Variants in SLC4A5 observed in about 807,000 individuals in gnomAD.
SLC4A5 encodes the protein solute carrier family 4 member 5.
SLC4A5 carries 96 observed loss-of-function variants against 120.4 expected under a neutral mutation model. That is an observed-to-expected ratio of 0.80 (90% CI 0.68 to 0.94). SLC4A5 has a LOEUF of 0.94. Ranked by LOEUF, SLC4A5 falls within the 40% of genes least tolerant of loss-of-function variation. SLC4A5 has a pLI of 0.00. For missense variants in SLC4A5, 1,259 were observed against 1,459.5 expected (o/e 0.86, Z 2.24); for synonymous variants, 550 against 571.1 (o/e 0.96, Z 0.53).
At chr2:74,227,167 C>A in intron 26 of SLC4A5, 37 bp from the exon 27 acceptor site, 2 of 1,561,394 alleles carry the variant, frequency 1.3e-6, no homozygotes, top group Non-Finnish European at 1.7e-6. Context: ...GGCAGCCAGA[C>A]CCCGAGGGCC....
At chr2:74,294,094 C>T (rs1672257049) in intron 7 of SLC4A5, among the ~76,000 whole-genome samples, 2 of 152,162 alleles carry the variant, frequency 1.3e-5, no homozygotes, top group South Asian at 4.1e-4. Flanking sequence ...GCCAGCCCCC[C>T]AAAAGTGCTT....
chr2:74,303,120 G>A (rs556383213), intron 7 of SLC4A5, among the ~76,000 whole-genome samples: 1 of 149,572 alleles, frequency 6.7e-6, no homozygotes, highest in Admixed American at 6.7e-5. Flanking sequence ...GTGTGTGCGT[G>A]TGTGTGTGTG....
intron 11 of SLC4A5, 78 bp downstream of exon 11, chr2:74,262,059 C>T (rs1022824398): frequency 9.0e-6 from 12 of 1,332,420 alleles, no homozygotes; most frequent in African/African-American, 5.8e-5. Flanking sequence ...TTGTCTCCCC[C>T]ACCTATGGCA....
chr2:74,322,848 T>A (rs1673129727), intron 5 of SLC4A5, among the ~76,000 whole-genome samples: 1 of 151,916 alleles, frequency 6.6e-6, no homozygotes, highest in Non-Finnish European at 1.5e-5. Context: ...AAAAGAAAGA[T>A]CCCAAAAACT....
At chr2:74,288,017 C>T (rs756707472) in intron 7 of SLC4A5, among the ~76,000 whole-genome samples, 23 of 152,148 alleles carry the variant, frequency 1.5e-4, no homozygotes, top group Non-Finnish European at 2.6e-4. Context: ...CTGGCTCAGC[C>T]CCCACCACGC....
chr2:74,314,822 G>T, intron 6 of SLC4A5, 123 bp downstream of exon 6: 1 of 849,076 alleles, frequency 1.2e-6, no homozygotes. Flanking sequence ...AGGAGACACT[G>T]TGGATGAGTC....
At chr2:74,309,864 G>A (rs936607048) in intron 6 of SLC4A5, among the ~76,000 whole-genome samples, 4 of 151,610 alleles carry the variant, frequency 2.6e-5, no homozygotes, top group Admixed American at 1.3e-4. Flanking sequence ...GGGTTTCACC[G>A]TGTTAGCCAG....
intron 30 of SLC4A5, among the ~76,000 whole-genome samples, chr2:74,219,169 C>A (rs983299804): frequency 1.4e-5 from 2 of 144,190 alleles, no homozygotes; most frequent in African/African-American, 5.2e-5. Flanking sequence ...GTTCTTTGCT[C>A]TTTGGAGGTG....
intron 3 of SLC4A5, among the ~76,000 whole-genome samples, chr2:74,334,751 A>G (rs1485079238): frequency 1.3e-5 from 2 of 151,766 alleles, no homozygotes; most frequent in Non-Finnish European, 2.9e-5. Context: ...TTTCACTGCA[A>G]TTTCCTCAAC....
intron 16 of SLC4A5, among the ~76,000 whole-genome samples, chr2:74,251,349 A>C (rs903460223): frequency 6.6e-6 from 1 of 152,102 alleles, no homozygotes; most frequent in African/African-American, 2.4e-5. Flanking sequence ...CTTCATTCTC[A>C]AAGTCATGAT....
intron 4 of SLC4A5, among the ~76,000 whole-genome samples, chr2:74,333,514 C>A (rs1673416879): frequency 6.6e-6 from 1 of 152,102 alleles, no homozygotes. Context: ...ATAATACTCC[C>A]AAAATACAGT....
chr2:74,295,058 A>T (rs913910871), intron 7 of SLC4A5, among the ~76,000 whole-genome samples: 4 of 152,138 alleles, frequency 2.6e-5, no homozygotes, highest in Non-Finnish European at 4.4e-5. Flanking sequence ...CAGTTGGGTG[A>T]AAATGGGCTC....
chr2:74,246,660 G>A (rs992141373), intron 19 of SLC4A5, among the ~76,000 whole-genome samples: 4 of 152,182 alleles, frequency 2.6e-5, no homozygotes, highest in Non-Finnish European at 5.9e-5. Flanking sequence ...AGAGCTCATC[G>A]TATCATGACT....
At chr2:74,233,562 G>C in exon 23 of SLC4A5, 4 of 1,610,408 alleles carry the variant, frequency 2.5e-6, no homozygotes, top group Non-Finnish European at 3.4e-6. Context: ...AGGCCGCGTT[G>C]GCTGAGTGGG....
intron 8 of SLC4A5, among the ~76,000 whole-genome samples, chr2:74,284,270 G>A (rs1177150907): frequency 2.3e-5 from 2 of 87,724 alleles, no homozygotes; most frequent in Non-Finnish European, 3.8e-5. Flanking sequence ...TCCGCTTCCC[G>A]GGTTCACGCC....
At chr2:74,308,440 T>G (rs1453121804) in intron 6 of SLC4A5, among the ~76,000 whole-genome samples, 1 of 152,246 alleles carries the variant, frequency 6.6e-6, no homozygotes, top group Non-Finnish European at 1.5e-5. Flanking sequence ...TTAGTGGATC[T>G]TATTGTTTTA....
At chr2:74,234,767 TC>T (rs1432015403) in intron 22 of SLC4A5, among the ~76,000 whole-genome samples, 7 of 152,116 alleles carry the variant, frequency 4.6e-5, no homozygotes, top group African/African-American at 1.7e-4. Flanking sequence ...TTTCAATGGA[TC>T]CCATTTGGCC....
intron 7 of SLC4A5, among the ~76,000 whole-genome samples, chr2:74,300,413 A>G (rs1188696065): frequency 6.6e-6 from 1 of 152,234 alleles, no homozygotes; most frequent in Non-Finnish European, 1.5e-5. Context: ...TCATCTCACA[A>G]TGTGTATGTA....
intron 1 of SLC4A5, 34 bp downstream of exon 1, chr2:74,343,322 G>C (rs1284283845): frequency 6.6e-6 from 1 of 152,100 alleles, no homozygotes; most frequent in Non-Finnish European, 1.5e-5. Context: ...CAACCACTCT[G>C]TAACTTTATT....
Sources: allele counts gnomAD v4.1 joint callset (sites outside exome capture counted in the v4.1 genomes callset), GRCh38; gene constraint gnomAD v4.1.1; transcripts MANE v1.5; gene names NCBI Gene and HGNC (gene_info 2026-07-23, HGNC 2026-07-21).